Variants in SGSM2 observed in about 807,000 individuals in gnomAD.
SGSM2 encodes the protein RUN and TBC1 domain containing 1.
A neutral mutation model predicts 126.6 loss-of-function variants in SGSM2; 89 were observed. The observed-to-expected ratio is 0.70, with a 90% CI of 0.59 to 0.84. The LOEUF (loss-of-function observed/expected upper bound fraction) is 0.84, where lower values mean the gene tolerates loss of function less well. Ranked by LOEUF, SGSM2 falls within the 40% of genes least tolerant of loss-of-function variation. The pLI is 0.00. For missense variants in SGSM2, 1,404 were observed against 1,416.6 expected (o/e 0.99, Z 0.14); for synonymous variants, 614 against 574.3 (o/e 1.07, Z -0.99).
Position 2,338,282 on chromosome 17 carries a change from C to T in SGSM2, c.57+537C>T, listed in dbSNP as rs146262525. ...ACCTCAGTTTCTCCCTCCACGCCCACCTCCTTAGCCAGGGACCAGGGGCTT... is the reference window on the plus strand; with the variant it reads ...ACCTCAGTTTCTCCCTCCACGCCCATCTCCTTAGCCAGGGACCAGGGGCTT... On this transcript the variant is annotated intron_variant, in intron 1 of 23. Transcript: ENST00000268989. Among the ~76,000 whole-genome samples, 4 of 152,330 alleles carry T rather than the reference C, an allele frequency of 2.6e-5. No homozygotes were observed. The East Asian group carries it at 5.8e-4, about 22-fold the overall frequency.
chr17:2,376,601 C>G, intron 19 of SGSM2, 132 bp from the exon 20 acceptor site: 1 of 981,340 alleles, frequency 1.0e-6, no homozygotes, highest in Non-Finnish European at 1.6e-6. Context: ...GTGGGGGGTG[C>G]ACAGTACATG....
intron 21 of SGSM2, 199 bp downstream of exon 21, chr17:2,377,267 C>T (rs573186391): frequency 9.3e-6 from 5 of 540,054 alleles, no homozygotes; most frequent in East Asian, 6.3e-5. Flanking sequence ...AGGCGGATCA[C>T]GAAGTCAGGA....
intron 10 of SGSM2, 55 bp from the exon 11 acceptor site, chr17:2,365,160 A>C (rs1320692290): frequency 5.0e-6 from 8 of 1,588,492 alleles, no homozygotes; most frequent in Non-Finnish European, 6.9e-6. Flanking sequence ...CTTGTGTGGA[A>C]CCCTGGATGA....
At chr17:2,365,469 C>T (rs1256386476) in intron 11 of SGSM2, 128 bp downstream of exon 11, 11 of 1,105,464 alleles carry the variant, frequency 1.0e-5, no homozygotes, top group South Asian at 3.4e-5. Context: ...AGAGGCTCAT[C>T]GCCTAGCCTC....
chr17:2,372,050 G>A lies in SGSM2; in HGVS notation c.1578-140G>A, dbSNP rs1015138205. ...AGGCAGGGACAGGGCACCCACTGAC[G>A]GCTGCTGGGCTGCGGCTCCTCCTCC... is the stretch of plus-strand genomic sequence containing the variant. On this transcript the variant is annotated intron_variant, in intron 13 of 23. Coordinates refer to ENST00000268989, the MANE Select transcript of SGSM2 (RefSeq NM_014853.3). The surrounding 1 kb of genome is among the most constrained non-coding windows in gnomAD (Gnocchi z 6.0). 46 of 989,174 alleles carry A rather than the reference G, an allele frequency of 4.7e-5. No individual in the cohort carries two copies. Among genetic ancestry groups the A allele is most frequent in the South Asian group, 1.0e-4 (7 of 68,720 alleles). The allele number at this position is 989,174 out of a possible 1,614,324, so 61.3% of individuals were successfully genotyped here.
At position 2,346,513 on chromosome 17, in the gene SGSM2, C is replaced by T. The variant is rs767523227; in HGVS notation, c.133+2893C>T. Among the ~76,000 whole-genome samples the T allele has an allele frequency of 4.1e-4, 62 of 152,210 alleles. 1 individual carries two copies. Among genetic ancestry groups the T allele is most frequent in the Non-Finnish European group, 8.8e-4 (60 of 68,040 alleles). On this transcript the variant is annotated intron_variant, in intron 2 of 23. Coordinates refer to ENST00000268989, the MANE Select transcript of SGSM2 (RefSeq NM_014853.3). ...TGCAGCCAGATCCCCATTCCTGTTA[C>T]CCAACGGGAGGGGCAAGACTCCTAG... is the stretch of plus-strand genomic sequence containing the variant.
intron 13 of SGSM2, chr17:2,371,912 C>A (rs2065889380): frequency 9.8e-6 from 5 of 508,850 alleles, no homozygotes; most frequent in African/African-American, 3.9e-5. Flanking sequence ...TCCGCTGCCT[C>A]TCTCCATTTT....
At position 2,363,224 on chromosome 17, in the gene SGSM2, C is replaced by T. The variant is rs2065400944; in HGVS notation, c.672+90C>T. On this transcript the variant is annotated intron_variant, in intron 6 of 23. Transcript: ENST00000268989. This position sits in a 1 kb window ranked among gnomAD's most constrained non-coding sequence, Gnocchi z 4.2. ...AAACCGGCCTCTCTACGGGACAGGC[C>T]TTGGAGATGCCCCAAGGTAGCGGCT... 6.9e-7 allele frequency: 1 copy of T among 1,451,526 alleles called. No homozygotes were observed. The highest frequency in any genetic ancestry group is 9.1e-7 in the Non-Finnish European group (1 of 1,093,430). The allele number at this position is 1,451,526 out of a possible 1,614,324, so 89.9% of individuals were successfully genotyped here. A position where few individuals can be genotyped will look rare whatever the true frequency, so the allele number is the denominator to read the frequency against.
chr17:2,340,832 C>T (rs898375308), intron 1 of SGSM2, among the ~76,000 whole-genome samples: 5 of 152,304 alleles, frequency 3.3e-5, no homozygotes, highest in Admixed American at 6.5e-5. Flanking sequence ...GATCCGCCCA[C>T]CTTGGCCTCC....
chr17:2,346,696 G>A (rs957068460), intron 2 of SGSM2, among the ~76,000 whole-genome samples: 5 of 152,098 alleles, frequency 3.3e-5, no homozygotes, highest in Non-Finnish European at 7.4e-5. Flanking sequence ...GGGGGTGGGT[G>A]GGGTTCTCTG....
chr17:2,372,170 G>A lies in SGSM2; in HGVS notation c.1578-20G>A. The A allele has an allele frequency of 1.9e-6, 3 of 1,613,118 alleles. No individual in the cohort carries two copies. Among genetic ancestry groups the A allele is most frequent in the Non-Finnish European group, 2.5e-6 (3 of 1,179,762 alleles). ...AGAGGGGCCGCAGCCCCTCCCTGCT[G>A]AGCCCGGTTGTTGCCACAGGTTGCC... On this transcript the variant is annotated intron_variant, in intron 13 of 23. Transcript: ENST00000268989. This position sits in a 1 kb window ranked among gnomAD's most constrained non-coding sequence, Gnocchi z 6.0.
chr17:2,361,717 T>A lies in SGSM2; in HGVS notation c.214T>A (p.Phe72Ile). 6.2e-7 allele frequency: 1 copy of A among 1,613,984 alleles called. No individual in the cohort carries two copies. Among genetic ancestry groups the A allele is most frequent in the Non-Finnish European group, 8.5e-7 (1 of 1,180,006 alleles). ...GCGCAGTGACAAGATGGCAGCCCTG[T>A]TCACCAAGGTGGGGAAGACGTGCCC... ...FLRSDKMAAL[F>I]TKVGKTCPVA... is the part of the protein sequence containing the mutation. Residue 72 changes from phenylalanine to isoleucine, a missense_variant, in exon 3 of 24, where the codon TTC (phenylalanine) becomes ATC (isoleucine). By Grantham distance (21) the Phe-to-Ile change is conservative. Coordinates refer to ENST00000268989, the MANE Select transcript of SGSM2 (RefSeq NM_014853.3).
chr17:2,344,827 C>G (rs1008607961), intron 2 of SGSM2, among the ~76,000 whole-genome samples: 2 of 152,178 alleles, frequency 1.3e-5, no homozygotes, highest in African/African-American at 2.4e-5. Context: ...CTTAACTTCT[C>G]TCACCCTCAG....
chr17:2,338,897 A>G (rs1158904080), intron 1 of SGSM2, among the ~76,000 whole-genome samples: 2 of 150,226 alleles, frequency 1.3e-5, no homozygotes, highest in East Asian at 4.1e-4. Context: ...CGTCTCTACT[A>G]AAAATACCAA....
intron 12 of SGSM2, among the ~76,000 whole-genome samples, chr17:2,368,287 C>A (rs1395812119): frequency 2.6e-5 from 4 of 152,176 alleles, no homozygotes; most frequent in African/African-American, 9.7e-5. Flanking sequence ...GGGAGCCCCC[C>A]TCTTTTCAGC....
intron 2 of SGSM2, among the ~76,000 whole-genome samples, chr17:2,357,365 G>A (rs2065128859): frequency 6.6e-6 from 1 of 152,098 alleles, no homozygotes; most frequent in African/African-American, 2.4e-5. Context: ...AAACCAGGGT[G>A]ACAAATGCCC....
chr17:2,354,727 G>A (rs1422057614), intron 2 of SGSM2, among the ~76,000 whole-genome samples: 1 of 152,238 alleles, frequency 6.6e-6, no homozygotes, highest in African/African-American at 2.4e-5. Context: ...CTACCTACCA[G>A]CAATATATGA....
chr17:2,352,676 G>A (rs2064905574), intron 2 of SGSM2, among the ~76,000 whole-genome samples: 1 of 151,902 alleles, frequency 6.6e-6, no homozygotes, highest in Non-Finnish European at 1.5e-5. Flanking sequence ...ATGCACATGA[G>A]AGCCAAGGCA....
chr17:2,361,698 T>G lies in SGSM2; in HGVS notation c.195T>G (p.Ser65Arg). 6.2e-7 allele frequency: 1 copy of G among 1,614,026 alleles called. No individual in the cohort carries two copies. Among genetic ancestry groups the G allele is most frequent in the South Asian group, 1.1e-5 (1 of 91,088 alleles). Reference protein sequence around the residue: ...LRRRAAGFLRSDKMAALFTKV... With the variant: ...LRRRAAGFLRRDKMAALFTKV... The stretch of plus-strand genomic sequence containing the variant: ...GCCGTGCCGCTGGCTTCCTGCGCAG[T>G]GACAAGATGGCAGCCCTGTTCACCA... The change falls in exon 3 of 24, where the codon AGT (serine) becomes AGG (arginine). Residue 65 changes from serine (S) to arginine (R), a missense_variant. Coordinates refer to ENST00000268989, the MANE Select transcript of SGSM2 (RefSeq NM_014853.3).
Sources: gnomAD v4.1 joint callset for allele counts (sites outside exome capture counted in the v4.1 genomes callset) on GRCh38, gnomAD v4.1.1 for gene constraint, Gnocchi (gnomAD v3.1) non-coding constraint, MANE v1.5 for transcripts, NCBI Gene and HGNC (gene_info 2026-07-23, HGNC 2026-07-21) for gene names.